Variants in SLF2 observed in about 807,000 individuals in gnomAD.
SLF2 encodes SMC5/6 complex localization factor 2, also known as SMC5-SMC6 complex localization factor protein 2.
Under a neutral mutation model 124.3 loss-of-function variants are expected in SLF2, and 68 were observed. The ratio of observed to expected loss-of-function variants is 0.55; its 90% CI spans 0.45 to 0.67. The LOEUF (loss-of-function observed/expected upper bound fraction) is 0.67, where lower values mean the gene tolerates loss of function less well. SLF2 is among the 30% of genes least tolerant of loss of function. The pLI, the probability that SLF2 is intolerant of heterozygous loss-of-function variation, is 0.00. For synonymous variants in SLF2, 480 were observed against 478.8 expected, an observed-to-expected ratio of 1.00 and a Z score of -0.03; for missense variants, 1,246 against 1,373.7, an observed-to-expected ratio of 0.91 and a Z score of 1.47.
Position 100,916,902 on chromosome 10 carries a change from A to G in SLF2, c.517A>G (p.Arg173Gly). ...SLKKKHRSPE[R>G]RKSLFIHENN... is the part of the protein sequence containing the mutation. ...AAAGAAAAAACATCGATCCCCAGAG[A>G]GAAGGAAGTCACTATTCATTCATGA... The change falls in exon 3 of 20, where the codon AGA becomes GGA. Residue 173 changes from arginine (R) to glycine (G), a missense_variant. Arg to Gly is a moderately radical substitution (Grantham distance 125). Transcript: ENST00000238961. 1 of 1,614,224 alleles carries G rather than the reference A, an allele frequency of 6.2e-7. No individual in the cohort carries two copies.
rs1282543962 is a variant in SLF2 at position 100,929,350 on chromosome 10, C to A, written c.2076C>A (p.Asp692Glu). The A allele has an allele frequency of 1.2e-6, 2 of 1,612,956 alleles. No homozygotes were observed. Among genetic ancestry groups the A allele is most frequent in the Admixed American group, 3.3e-5 (2 of 59,952 alleles). Residue 692 changes from aspartate (D) to glutamate (E), a missense_variant, in exon 7 of 20, where the codon GAC becomes GAA. Around this residue, in one of 3 missense-constraint regions of SLF2, gnomAD observed 535 missense variants for 632.8 expected, o/e 0.85. Coordinates refer to ENST00000238961, the MANE Select transcript of SLF2 (RefSeq NM_018121.4). ...LDELQKQLQE[D>E]IRQGRGIKSP... ...AACTGCAGAAGCAACTACAAGAAGA[C>A]ATAAGGCAAGGCCGAGGCATTAAAT... is the stretch of plus-strand genomic sequence containing the variant.
chr10:100,951,169 G>A (rs531669373), intron 17 of SLF2, among the ~76,000 whole-genome samples: 5 of 152,318 alleles, frequency 3.3e-5, no homozygotes, highest in African/African-American at 1.2e-4. Flanking sequence ...CTTGAACCCG[G>A]GAGGTGGAGG....
At chr10:100,918,279 T>C in intron 3 of SLF2, 105 bp from the exon 4 acceptor site, 1 of 636,010 alleles carries the variant, frequency 1.6e-6, no homozygotes, top group Admixed American at 2.9e-5. Context: ...ATATGGGTGC[T>C]TGCCTTATTC....
chr10:100,929,988 T>C lies in SLF2; in HGVS notation c.2324T>C (p.Leu775Pro). The change falls in exon 8 of 20, where the codon CTT (leucine) becomes CCT (proline). Residue 775 changes from leucine (L) to proline (P), a missense_variant. This residue lies in a region of SLF2 where 535 missense variants were observed against 632.8 expected (regional missense o/e 0.85). Coordinates refer to ENST00000238961, the MANE Select transcript of SLF2 (RefSeq NM_018121.4). Reference protein sequence around the residue: ...GFIGQSAVEKLILKSGKTDQI... With the variant: ...GFIGQSAVEKPILKSGKTDQI... ...ATTGGACAAAGTGCTGTAGAAAAACTTATTCTTAAGTAAGTAGAAAAATAG... is the reference window on the plus strand; with the variant it reads ...ATTGGACAAAGTGCTGTAGAAAAACCTATTCTTAAGTAAGTAGAAAAATAG... The C allele has an allele frequency of 6.6e-7, 1 of 1,521,702 alleles. No individual in the cohort carries two copies. Among genetic ancestry groups the C allele is most frequent in the Non-Finnish European group, 8.8e-7 (1 of 1,134,550 alleles). 94.3% of individuals were successfully genotyped at this position (1,521,702 alleles called of 1,614,324 possible). A position where few individuals can be genotyped will look rare whatever the true frequency, so the allele number is the denominator to read the frequency against.
chr10:100,923,370 T>TA (rs768379725), intron 4 of SLF2, among the ~76,000 whole-genome samples: 1 of 152,184 alleles, frequency 6.6e-6, no homozygotes, highest in South Asian at 2.1e-4. Flanking sequence ...TTTCTTGACT[T>TA]ACAGCTGCAT....
chr10:100,927,920 C>T (rs1356850618), intron 6 of SLF2, among the ~76,000 whole-genome samples: 1 of 151,620 alleles, frequency 6.6e-6, no homozygotes, highest in Non-Finnish European at 1.5e-5. Flanking sequence ...GATTCTTTGC[C>T]TGTTTTTAAT....
chr10:100,913,101 C>A lies in SLF2; in HGVS notation c.-10C>A, dbSNP rs200391638. On this transcript the variant is annotated 5_prime_UTR_variant, in exon 1 of 20. Transcript: ENST00000238961. ...CCACGGCTCATGCCGCCGTCGCCAG[C>A]GGCGCCGACATGACAAGGCGCTGCA... 6.8e-6 allele frequency: 11 copies of A among 1,609,996 alleles called. No homozygotes were observed. In the East Asian group the frequency reaches 2.5e-4, roughly 36 times the overall value.
chr10:100,913,278 C>G lies in SLF2; in HGVS notation c.140+28C>G, dbSNP rs752740978. 3 of 1,544,542 alleles carry G rather than the reference C, an allele frequency of 1.9e-6. No homozygotes were observed. In the African/African-American group the frequency reaches 4.2e-5, roughly 22 times the overall value. ...ACCGTGCAGAGGGCTTGAGAAGGGG[C>G]CGGGTCGCGGGGGCAAGGGTATGAG... On this transcript the variant is annotated intron_variant, in intron 1 of 19. Transcript: ENST00000238961.
chr10:100,963,429 T>G lies in SLF2; in HGVS notation c.*1517T>G, dbSNP rs1161339864. 1 of 152,742 alleles carries G rather than the reference T, an allele frequency of 6.5e-6. No homozygotes were observed. The highest frequency in any genetic ancestry group is 1.5e-5 in the Non-Finnish European group (1 of 68,032). The allele number at this position is 152,742 out of a possible 1,614,324, so 9.5% of individuals were successfully genotyped here. On this transcript the variant is annotated 3_prime_UTR_variant, in exon 20 of 20. Coordinates refer to ENST00000238961, the MANE Select transcript of SLF2 (RefSeq NM_018121.4). ...TCCAAGAGTCAGACCAACAAAAGTT[T>G]TATTCTGTGTTGTTTACTGGTAAGA...
chr10:100,948,389 G>A lies in SLF2; in HGVS notation c.3120+542G>A, dbSNP rs568794626. 2.0e-5 allele frequency among the ~76,000 whole-genome samples: 3 copies of A among 152,294 alleles called. No homozygotes were observed. The South Asian group carries it at 6.2e-4, about 32-fold the overall frequency. ...CACACACCTATCGTCCCAGCTACTT[G>A]GGAGGCTGAGGCCAGAGGATCCTTT... is the stretch of plus-strand genomic sequence containing the variant. On this transcript the variant is annotated intron_variant, in intron 15 of 19. Transcript: ENST00000238961.
intron 9 of SLF2, among the ~76,000 whole-genome samples, chr10:100,932,676 G>A (rs1166657914): frequency 6.6e-6 from 1 of 150,604 alleles, no homozygotes; most frequent in Non-Finnish European, 1.5e-5. Context: ...TGCTAATGTA[G>A]AGGAGACAAA....
chr10:100,926,353 C>A, intron 6 of SLF2: 1 of 1,350,488 alleles, frequency 7.4e-7, no homozygotes, highest in Non-Finnish European at 9.7e-7. Flanking sequence ...GCCTGTAATC[C>A]AGTACTTTAG....
At chr10:100,960,995 C>CTACTTTTTTTTTTTTTTTT (rs1411407192) in intron 19 of SLF2, among the ~76,000 whole-genome samples, 2 of 54,450 alleles carry the variant, frequency 3.7e-5, no homozygotes, top group Admixed American at 2.5e-4. Context: ...ATATTCTGTA[C>CTACTTTTTTTTTTTTTTTT]TTCTTTTTTT....
chr10:100,927,077 T>G (rs1015260479), intron 6 of SLF2, among the ~76,000 whole-genome samples: 17 of 129,378 alleles, frequency 1.3e-4, no homozygotes, highest in African/African-American at 3.8e-4. Context: ...GTAGAATTTT[T>G]TGTGTTTTTT....
In SLF2 at chr10:100,950,282, T is replaced by G. The variant is rs543876164; in HGVS notation, c.3252+75T>G. On this transcript the variant is annotated intron_variant, in intron 16 of 19. Transcript: ENST00000238961. ...TCAGCTTACTAACCATAGACTGATA[T>G]GTAGGCATTTCTGGATTTGGACACT... 50 of 1,433,900 alleles carry G rather than the reference T, an allele frequency of 3.5e-5. No individual in the cohort carries two copies. In the South Asian group the frequency reaches 6.5e-4, roughly 19 times the overall value. 88.8% of individuals were successfully genotyped at this position (1,433,900 alleles called of 1,614,324 possible).
chr10:100,929,153 C>T (rs1233425150), intron 6 of SLF2, among the ~76,000 whole-genome samples, 164 bp from the exon 7 acceptor site: 2 of 152,032 alleles, frequency 1.3e-5, no homozygotes, highest in Non-Finnish European at 2.9e-5. Flanking sequence ...AATTGTACGT[C>T]GTGATGTATT....
chr10:100,933,725 G>T (rs1312297104), intron 9 of SLF2, among the ~76,000 whole-genome samples: 1 of 152,108 alleles, frequency 6.6e-6, no homozygotes, highest in African/African-American at 2.4e-5. Flanking sequence ...GGTCACCCAG[G>T]CTGGAGTGCA....
Position 100,913,023 on chromosome 10 carries a change from A to T in SLF2, c.-88A>T. 6.9e-7 allele frequency: 1 copy of T among 1,455,382 alleles called. No individual in the cohort carries two copies. Among genetic ancestry groups the T allele is most frequent in the East Asian group, 2.3e-5 (1 of 43,516 alleles). 90.2% of individuals were successfully genotyped at this position (1,455,382 alleles called of 1,614,324 possible). A position where few individuals can be genotyped will look rare whatever the true frequency, so the allele number is the denominator to read the frequency against. ...GGGTGCCGCCCACCTCTGCTCCGAC[A>T]GCCTCCCGGAGTCCCAGCAGCAAGA... On this transcript the variant is annotated 5_prime_UTR_variant, in exon 1 of 20. Coordinates refer to ENST00000238961, the MANE Select transcript of SLF2 (RefSeq NM_018121.4).
intron 14 of SLF2, 64 bp from the exon 15 acceptor site, chr10:100,947,696 T>C (rs1850130400): frequency 4.3e-6 from 5 of 1,149,454 alleles, no homozygotes; most frequent in South Asian, 1.3e-5. Context: ...CTTGGCTCAT[T>C]CATTTGCTTT....
Sources: gnomAD v4.1 joint callset for allele counts (sites outside exome capture counted in the v4.1 genomes callset) on GRCh38, gnomAD v4.1.1 for gene constraint, gnomAD v4.1.1 regional missense constraint, MANE v1.5 for transcripts, NCBI Gene and HGNC (gene_info 2026-07-23, HGNC 2026-07-21) for gene names.